Variants in JAK2 observed in about 807,000 individuals in gnomAD.
The protein encoded by JAK2 is tyrosine-protein kinase JAK2.
Under a neutral mutation model 139.3 loss-of-function variants are expected in JAK2, and 86 were observed. The ratio of observed to expected loss-of-function variants is 0.62; its 90% CI spans 0.52 to 0.74. The LOEUF (loss-of-function observed/expected upper bound fraction) is 0.74. Ranked by LOEUF, JAK2 falls within the 30% of genes least tolerant of loss-of-function variation. The pLI is 0.00. For missense variants in JAK2, 1,421 were observed against 1,360.3 expected (o/e 1.04, Z -0.70); for synonymous variants, 490 against 437.7 (o/e 1.12, Z -1.49).
At chr9:5,069,312 G>C (rs1444765982) in intron 11 of JAK2, 104 bp downstream of exon 11, 2 of 695,730 alleles carry the variant, frequency 2.9e-6, no homozygotes, top group Admixed American at 3.2e-5. Context: ...GAAAGAAGCA[G>C]CTCTAAAAGT....
intron 14 of JAK2, among the ~76,000 whole-genome samples, chr9:5,074,967 A>G (rs1819212443): frequency 6.6e-6 from 1 of 152,236 alleles, no homozygotes; most frequent in Non-Finnish European, 1.5e-5. Flanking sequence ...GAGCACATAA[A>G]TTACAAGAAA....
intron 4 of JAK2, among the ~76,000 whole-genome samples, chr9:5,035,155 C>A (rs939915077): frequency 1.2e-4 from 19 of 152,290 alleles, no homozygotes; most frequent in Admixed American, 9.8e-4. Context: ...AATTCCTGGA[C>A]ACATACACCC....
chr9:5,109,579 A>T (rs542725640), intron 22 of JAK2: 1 of 152,148 alleles, frequency 6.6e-6, no homozygotes, highest in Non-Finnish European at 1.5e-5. Flanking sequence ...GCAAAAGAAG[A>T]TTCATACCCA....
At chr9:4,995,919 G>T (rs971932957) in intron 2 of JAK2, among the ~76,000 whole-genome samples, 1 of 151,954 alleles carries the variant, frequency 6.6e-6, no homozygotes, top group African/African-American at 2.4e-5. Flanking sequence ...GCTAACTTAT[G>T]TGTCTGCTCT....
At chr9:5,033,910 T>G (rs1424149518) in intron 4 of JAK2, among the ~76,000 whole-genome samples, 1 of 152,154 alleles carries the variant, frequency 6.6e-6, no homozygotes, top group Non-Finnish European at 1.5e-5. Context: ...TAAACGTAAA[T>G]GGGCTAAATG....
intron 16 of JAK2, among the ~76,000 whole-genome samples, chr9:5,078,652 G>A (rs1231284176): frequency 2.0e-5 from 3 of 152,042 alleles, no homozygotes; most frequent in African/African-American, 4.8e-5. Context: ...ACTGTGAGGT[G>A]ATTTTTTAAA....
At chr9:5,068,137 C>T (rs1034170602) in intron 10 of JAK2, among the ~76,000 whole-genome samples, 68 of 138,048 alleles carry the variant, frequency 4.9e-4, no homozygotes, top group African/African-American at 1.8e-3. Context: ...TCCAGCCTGG[C>T]GACAGAGCGA....
chr9:5,051,677 A>G (rs1022018358), intron 6 of JAK2, among the ~76,000 whole-genome samples: 1 of 152,164 alleles, frequency 6.6e-6, no homozygotes, highest in African/African-American at 2.4e-5. Flanking sequence ...GCAAATATGT[A>G]TTTTATATAT....
chr9:5,038,883 T>C (rs1196013048), intron 4 of JAK2, among the ~76,000 whole-genome samples: 1 of 151,952 alleles, frequency 6.6e-6, no homozygotes, highest in Non-Finnish European at 1.5e-5. Context: ...ATACACCACA[T>C]TAATAGAATA....
chr9:5,066,963 C>T (rs968124423), intron 10 of JAK2, among the ~76,000 whole-genome samples, 174 bp downstream of exon 10: 59 of 151,714 alleles, frequency 3.9e-4, no homozygotes, highest in African/African-American at 1.4e-3. Flanking sequence ...GTTATAATTC[C>T]CAGGGTTTAT....
intron 23 of JAK2, among the ~76,000 whole-genome samples, chr9:5,123,335 T>C (rs146173960): frequency 2.6e-5 from 4 of 152,076 alleles, no homozygotes; most frequent in African/African-American, 9.6e-5. Context: ...CAAGTCTCTA[T>C]TGTCTATCAT....
At chr9:5,005,081 TAA>T (rs1330370100) in intron 2 of JAK2, among the ~76,000 whole-genome samples, 1 of 127,520 alleles carries the variant, frequency 7.8e-6, no homozygotes, top group Non-Finnish European at 1.6e-5. Context: ...CATGCCTGGC[TAA>T]TTTTTTTTTT....
At chr9:5,061,269 T>C (rs1818153433) in intron 8 of JAK2, among the ~76,000 whole-genome samples, 3 of 152,224 alleles carry the variant, frequency 2.0e-5, no homozygotes, top group Admixed American at 6.5e-5. Flanking sequence ...GCCTATCCTT[T>C]GAAGTTTGAA....
intron 2 of JAK2, among the ~76,000 whole-genome samples, chr9:4,999,833 C>G (rs1436849436): frequency 4.6e-5 from 7 of 152,062 alleles, no homozygotes; most frequent in Admixed American, 6.5e-5. Context: ...TAATTTTTTC[C>G]CAATATTTAG....
At chr9:5,111,556 G>A (rs1042566044) in intron 22 of JAK2, 8 of 365,114 alleles carry the variant, frequency 2.2e-5, no homozygotes, top group Non-Finnish European at 4.3e-5. Flanking sequence ...CCTTCTACAT[G>A]GCAGATGGCA....
intron 2 of JAK2, among the ~76,000 whole-genome samples, chr9:5,010,711 C>G (rs1244584149): frequency 6.6e-6 from 1 of 152,188 alleles, no homozygotes; most frequent in Non-Finnish European, 1.5e-5. Flanking sequence ...TCATTCCTTT[C>G]TGTAAACCTG....
rs142080974 is a variant in JAK2, at chr9:5,081,185, G to A, written c.2434+502G>A. The stretch of plus-strand genomic sequence containing the variant: ...GCTGGGATTACAGGCTTGAGCCACC[G>A]CTCCCAGCCAAAAAGACCTTTTCTT... On this transcript the variant is annotated intron_variant, in intron 18 of 24. Transcript: ENST00000381652. 6.6e-3 allele frequency among the ~76,000 whole-genome samples: 999 copies of A among 151,550 alleles called. 13 individuals are homozygous for A. The highest frequency in any genetic ancestry group is 0.023 in the African/African-American group (946 of 41,354).
chr9:5,074,898 A>C (rs1819208195), intron 14 of JAK2, among the ~76,000 whole-genome samples: 1 of 152,208 alleles, frequency 6.6e-6, no homozygotes, highest in Non-Finnish European at 1.5e-5. Context: ...TGCACTAAAA[A>C]GGCAAGTTAT....
intron 22 of JAK2, chr9:5,112,268 G>A: frequency 3.8e-6 from 1 of 260,172 alleles, no homozygotes; most frequent in Non-Finnish European, 7.6e-6. Context: ...CGGCCCTGCG[G>A]GCAGCGCCAG....
Sources: gnomAD v4.1 joint callset for allele counts (sites outside exome capture counted in the v4.1 genomes callset) on GRCh38, gnomAD v4.1.1 for gene constraint, MANE v1.5 for transcripts, NCBI Gene and HGNC (gene_info 2026-07-23, HGNC 2026-07-21) for gene names.